Variants in CNTNAP2 observed in about 807,000 individuals in gnomAD.
CNTNAP2 encodes the protein contactin-associated protein-like 2.
In CNTNAP2, 98 loss-of-function variants were observed where a neutral mutation model predicts 155.2. The observed-to-expected ratio is 0.63, with a 90% CI of 0.54 to 0.75. The LOEUF is 0.75. Among genes scored for constraint, CNTNAP2 ranks in the 30% least tolerant of loss-of-function variants. CNTNAP2 has a pLI of 0.00. For synonymous variants in CNTNAP2, 651 were observed against 631.2 expected, an observed-to-expected ratio of 1.03 and a Z score of -0.47; for missense variants, 1,727 against 1,688.1, an observed-to-expected ratio of 1.02 and a Z score of -0.40.
At chr7:147,385,297 T>C (rs1202827348) in intron 9 of CNTNAP2, among the ~76,000 whole-genome samples, 1 of 152,134 alleles carries the variant, frequency 6.6e-6, no homozygotes, top group Non-Finnish European at 1.5e-5. Flanking sequence ...TGACATCACA[T>C]TTCAAAACCA....
intron 3 of CNTNAP2, among the ~76,000 whole-genome samples, chr7:146,882,325 C>G (rs1795567988): frequency 6.6e-6 from 1 of 151,664 alleles, no homozygotes; most frequent in African/African-American, 2.4e-5. Context: ...GGGAATATAC[C>G]CAGTGATAAG....
rs531749796 is a variant in CNTNAP2 at position 148,353,703 on chromosome 7, T to G, written c.3476-29946T>G. Among the ~76,000 whole-genome samples the G allele has an allele frequency of 3.9e-5, 6 of 152,284 alleles. No homozygotes were observed. In the East Asian group the frequency reaches 9.6e-4, roughly 24 times the overall value. Reference sequence around the variant, plus strand: ...AGTATCAGGAAACAAAAAGGAAATGTGTGCAAACTTCCAATTTAAATGTTC... The same window carrying G: ...AGTATCAGGAAACAAAAAGGAAATGGGTGCAAACTTCCAATTTAAATGTTC... On this transcript the variant is annotated intron_variant, in intron 21 of 23. Coordinates refer to ENST00000361727, the MANE Select transcript of CNTNAP2 (RefSeq NM_014141.6).
chr7:146,638,430 T>C (rs1799635886), intron 1 of CNTNAP2, among the ~76,000 whole-genome samples: 1 of 151,280 alleles, frequency 6.6e-6, no homozygotes, highest in African/African-American at 2.4e-5. Flanking sequence ...CAGATCTTCA[T>C]GGATCAGACA....
At position 148,126,847 on chromosome 7, in the gene CNTNAP2, G is replaced by T. The variant is rs191899042; in HGVS notation, c.2554+8559G>T. The stretch of plus-strand genomic sequence containing the variant: ...GAAGGGAAGAATAGGCCAACTGTTC[G>T]CCTGGCCCCAAGATATGGGCCACTC... On this transcript the variant is annotated intron_variant, in intron 16 of 23. Coordinates refer to ENST00000361727, the MANE Select transcript of CNTNAP2 (RefSeq NM_014141.6). Among the ~76,000 whole-genome samples the T allele has an allele frequency of 5.3e-5, 8 of 152,272 alleles. No individual in the cohort carries two copies. In the East Asian group the frequency reaches 1.4e-3, roughly 26 times the overall value.
chr7:146,386,444 A>G (rs1795463157), intron 1 of CNTNAP2, among the ~76,000 whole-genome samples: 1 of 152,240 alleles, frequency 6.6e-6, no homozygotes, highest in African/African-American at 2.4e-5. Context: ...GCTGGAGGAC[A>G]GTGGCATGAT....
chr7:147,121,685 G>T (rs1402423159), intron 6 of CNTNAP2: 2 of 152,768 alleles, frequency 1.3e-5, no homozygotes, highest in Admixed American at 6.5e-5. Flanking sequence ...ATTTTAAAAA[G>T]ATTGTTCATG....
At chr7:146,675,658 G>C (rs1800385789) in intron 1 of CNTNAP2, among the ~76,000 whole-genome samples, 1 of 152,108 alleles carries the variant, frequency 6.6e-6, no homozygotes, top group African/African-American at 2.4e-5. Flanking sequence ...TGGTTCAAGA[G>C]CTCCCACACC....
chr7:146,206,662 T>C (rs556323638), intron 1 of CNTNAP2, among the ~76,000 whole-genome samples: 6 of 152,060 alleles, frequency 3.9e-5, no homozygotes, highest in Non-Finnish European at 7.4e-5. Flanking sequence ...CAACATTATT[T>C]TGTACTGCAA....
At chr7:147,482,393 C>T (rs1265189455) in intron 10 of CNTNAP2, among the ~76,000 whole-genome samples, 1 of 151,870 alleles carries the variant, frequency 6.6e-6, no homozygotes, top group Non-Finnish European at 1.5e-5. Flanking sequence ...ATTAGAATAC[C>T]TATAATCATC....
chr7:147,019,051 C>T (rs983385656), intron 3 of CNTNAP2, among the ~76,000 whole-genome samples: 1 of 151,932 alleles, frequency 6.6e-6, no homozygotes, highest in African/African-American at 2.4e-5. Flanking sequence ...AATCAGGACC[C>T]AAAGAGTTAA....
chr7:146,488,733 A>G (rs554968868), intron 1 of CNTNAP2, among the ~76,000 whole-genome samples: 4 of 152,110 alleles, frequency 2.6e-5, no homozygotes, highest in African/African-American at 9.6e-5. Flanking sequence ...GGCTCAGGTG[A>G]TCTTCCCACC....
chr7:146,815,982 A>G (rs936797888), intron 2 of CNTNAP2, among the ~76,000 whole-genome samples: 4 of 152,090 alleles, frequency 2.6e-5, no homozygotes, highest in Admixed American at 6.5e-5. Flanking sequence ...TCATTGTTCA[A>G]TTCCCACCTA....
intron 8 of CNTNAP2, among the ~76,000 whole-genome samples, chr7:147,243,736 T>C (rs922493578): frequency 2.0e-5 from 3 of 152,332 alleles, no homozygotes; most frequent in Admixed American, 2.0e-4. Flanking sequence ...CCAATTTTGA[T>C]ACATTTTATC....
At chr7:146,493,812 A>G (rs1797173458) in intron 1 of CNTNAP2, among the ~76,000 whole-genome samples, 2 of 152,166 alleles carry the variant, frequency 1.3e-5, no homozygotes, top group South Asian at 4.1e-4. Context: ...TATTGACAAA[A>G]TTCACCATGC....
At chr7:147,828,253 A>G (rs1458792393) in intron 13 of CNTNAP2, among the ~76,000 whole-genome samples, 3 of 152,308 alleles carry the variant, frequency 2.0e-5, no homozygotes, top group Admixed American at 6.5e-5. Flanking sequence ...TTGAAGCCCA[A>G]GGTTAATACA....
At chr7:148,250,363 A>G (rs1489054616) in intron 20 of CNTNAP2, among the ~76,000 whole-genome samples, 1 of 152,110 alleles carries the variant, frequency 6.6e-6, no homozygotes, top group Admixed American at 6.5e-5. Flanking sequence ...GTGTCTCTCT[A>G]TACTAGGAAG....
intron 1 of CNTNAP2, among the ~76,000 whole-genome samples, chr7:146,602,315 C>G (rs1798962939): frequency 6.6e-6 from 1 of 152,136 alleles, no homozygotes; most frequent in South Asian, 2.1e-4. Flanking sequence ...CTAGGCATGT[C>G]AAGACCTCAA....
intron 1 of CNTNAP2, among the ~76,000 whole-genome samples, chr7:146,180,487 C>A (rs1363666985): frequency 6.6e-6 from 1 of 151,858 alleles, no homozygotes; most frequent in Non-Finnish European, 1.5e-5. Flanking sequence ...ATTTAAAAGT[C>A]GATAAATTTT....
At chr7:146,871,387 G>A (rs979140827) in intron 3 of CNTNAP2, among the ~76,000 whole-genome samples, 1 of 151,862 alleles carries the variant, frequency 6.6e-6, no homozygotes, top group African/African-American at 2.4e-5. Context: ...AAAATAAGGC[G>A]ATCCTAATGG....
Sources: allele counts gnomAD v4.1 joint callset (sites outside exome capture counted in the v4.1 genomes callset), GRCh38; gene constraint gnomAD v4.1.1; transcripts MANE v1.5; gene names NCBI Gene and HGNC (gene_info 2026-07-23, HGNC 2026-07-21).